The following SLC16A7 variants were observed in gnomAD, a reference collection of about 807,000 sequenced individuals.
SLC16A7 encodes the protein monocarboxylate transporter 2.
Under a neutral mutation model 34.9 loss-of-function variants are expected in SLC16A7, and 33 were observed. That is an observed-to-expected ratio of 0.94 (90% CI 0.72 to 1.26). The LOEUF is 1.26. Ranked by LOEUF, SLC16A7 falls within the 50% of genes most tolerant of loss-of-function variation. The pLI is 0.00. For missense variants in SLC16A7, 573 were observed against 578.1 expected, an observed-to-expected ratio of 0.99 and a Z score of 0.09; for synonymous variants, 201 against 206.6, an observed-to-expected ratio of 0.97 and a Z score of 0.23.
At chr12:59,735,980 C>G in intron 3 of SLC16A7, 1 of 1,059,314 alleles carries the variant, frequency 9.4e-7, no homozygotes, top group South Asian at 1.5e-5. Flanking sequence ...AGATCACCAT[C>G]TACTTGAGGT....
At chr12:59,659,543 C>T (rs557643982) in intron 2 of SLC16A7, among the ~76,000 whole-genome samples, 3 of 152,110 alleles carry the variant, frequency 2.0e-5, no homozygotes, top group South Asian at 2.1e-4. Flanking sequence ...TAGCTACTCA[C>T]TATATGTTGC....
At position 59,771,351 on chromosome 12, in the gene SLC16A7, G is replaced by A; in HGVS notation, c.350G>A (p.Gly117Glu). The A allele has an allele frequency of 6.2e-7, 1 of 1,601,586 alleles. No homozygotes were observed. The highest frequency in any genetic ancestry group is 1.3e-5 in the African/African-American group (1 of 74,144). Residue 117 changes from glycine (G) to glutamate (E), a missense_variant, in exon 4 of 6, where the codon GGA becomes GAA. By Grantham distance (98) the Gly-to-Glu change is moderately conservative. Coordinates refer to ENST00000547379, the MANE Select transcript of SLC16A7 (RefSeq NM_001270623.2). Reference sequence around the variant, plus strand: ...GTGGTACAGCTGTACCTCACTATGGGATTCATTACAGGTAAGCCATTTAGT... The same window carrying A: ...GTGGTACAGCTGTACCTCACTATGGAATTCATTACAGGTAAGCCATTTAGT... ...SSVVQLYLTM[G>E]FITGLGLAFN...
chr12:59,715,635 A>C (rs1874813104), intron 3 of SLC16A7, among the ~76,000 whole-genome samples: 1 of 152,194 alleles, frequency 6.6e-6, no homozygotes, highest in Non-Finnish European at 1.5e-5. Flanking sequence ...CACACAATGC[A>C]TGTCAGGTGA....
intron 2 of SLC16A7, among the ~76,000 whole-genome samples, chr12:59,695,215 C>T (rs1426535532): frequency 6.6e-6 from 1 of 151,902 alleles, no homozygotes; most frequent in East Asian, 1.9e-4. Flanking sequence ...TCTTCTGAGG[C>T]TTTGCCTTGA....
At chr12:59,754,459 T>C (rs1274927216) in intron 3 of SLC16A7, among the ~76,000 whole-genome samples, 1 of 152,018 alleles carries the variant, frequency 6.6e-6, no homozygotes, top group Non-Finnish European at 1.5e-5. Context: ...CAAACTACCA[T>C]CAGAGAATAC....
intron 2 of SLC16A7, among the ~76,000 whole-genome samples, chr12:59,675,255 A>G (rs1476876053): frequency 6.6e-6 from 1 of 152,164 alleles, no homozygotes; most frequent in Non-Finnish European, 1.5e-5. Context: ...ATCTTTGTGT[A>G]CCCCCAAAAT....
intron 4 of SLC16A7, 91 bp from the exon 5 acceptor site, chr12:59,774,565 TC>T: frequency 1.4e-6 from 1 of 728,680 alleles, no homozygotes; most frequent in South Asian, 2.1e-5. Context: ...ATTCTGCCTT[TC>T]CCACTTGAAT....
chr12:59,703,957 A>C (rs192950491), intron 2 of SLC16A7, among the ~76,000 whole-genome samples: 1 of 151,842 alleles, frequency 6.6e-6, no homozygotes. Context: ...ATCCCAACAC[A>C]TTGGGAGGCT....
chr12:59,686,873 T>G (rs1871200952), intron 2 of SLC16A7, among the ~76,000 whole-genome samples: 1 of 151,992 alleles, frequency 6.6e-6, no homozygotes, highest in African/African-American at 2.4e-5. Context: ...TTATTATACA[T>G]CATGGTGACT....
chr12:59,701,640 T>C (rs1425186562), intron 2 of SLC16A7, among the ~76,000 whole-genome samples: 1 of 151,788 alleles, frequency 6.6e-6, no homozygotes, highest in Non-Finnish European at 1.5e-5. Flanking sequence ...TTTATACTAG[T>C]GTTGACACCT....
chr12:59,629,518 T>C (rs1880083660), intron 1 of SLC16A7, among the ~76,000 whole-genome samples: 1 of 151,982 alleles, frequency 6.6e-6, no homozygotes. Context: ...ATTAAAATTA[T>C]CTACTAATAA....
intron 1 of SLC16A7, among the ~76,000 whole-genome samples, chr12:59,612,026 G>A (rs753526193): frequency 3.3e-5 from 5 of 152,168 alleles, no homozygotes; most frequent in African/African-American, 4.8e-5. Flanking sequence ...TACAATTCTA[G>A]GGTCTGGAGG....
At chr12:59,650,537 C>T (rs1373530938) in intron 1 of SLC16A7, among the ~76,000 whole-genome samples, 2 of 152,164 alleles carry the variant, frequency 1.3e-5, no homozygotes, top group South Asian at 2.1e-4. Flanking sequence ...GAGATGTTAC[C>T]ATTATCAAAG....
chr12:59,700,455 G>T (rs993464318), intron 2 of SLC16A7, among the ~76,000 whole-genome samples: 1 of 149,096 alleles, frequency 6.7e-6, no homozygotes, highest in African/African-American at 2.4e-5. Context: ...ATATAATATA[G>T]AAAATTTAAT....
intron 1 of SLC16A7, among the ~76,000 whole-genome samples, chr12:59,652,872 A>G (rs1868367425): frequency 6.6e-6 from 1 of 151,852 alleles, no homozygotes; most frequent in Non-Finnish European, 1.5e-5. Flanking sequence ...TTACACATGC[A>G]TGCTTCAGAA....
chr12:59,772,734 T>C (rs998172566), intron 4 of SLC16A7, among the ~76,000 whole-genome samples: 2 of 152,084 alleles, frequency 1.3e-5, no homozygotes, highest in Non-Finnish European at 2.9e-5. Flanking sequence ...AAAGGAGTTA[T>C]TAGAAAAATG....
In SLC16A7 at chr12:59,783,413, G is replaced by T. The variant is rs565766567; in HGVS notation, c.*3734G>T. The T allele has an allele frequency of 6.6e-6, 1 of 152,242 alleles. No homozygotes were observed. Among genetic ancestry groups the T allele is most frequent in the Non-Finnish European group, 1.5e-5 (1 of 68,012 alleles). The allele number at this position is 152,242 out of a possible 1,614,324, so 9.4% of individuals were successfully genotyped here. A position where few individuals can be genotyped will look rare whatever the true frequency, so the allele number is the denominator to read the frequency against. On this transcript the variant is annotated 3_prime_UTR_variant, in exon 6 of 6. Transcript: ENST00000547379. ...GCAGACTACCCAAAGTTAAAAGGTA[G>T]TATGAACCAAAATTAAAACTCAGGT...
chr12:59,682,960 G>A (rs910452605), intron 2 of SLC16A7, among the ~76,000 whole-genome samples: 1 of 152,098 alleles, frequency 6.6e-6, no homozygotes, highest in Admixed American at 6.5e-5. Context: ...CAGCTACTCA[G>A]GAGGCTGAGG....
chr12:59,645,298 C>A (rs1425803295), intron 1 of SLC16A7, among the ~76,000 whole-genome samples: 4 of 152,160 alleles, frequency 2.6e-5, no homozygotes, highest in Admixed American at 1.3e-4. Context: ...GATCAGATAG[C>A]AAAACCATTT....
Sources: gnomAD v4.1 joint callset for allele counts (sites outside exome capture counted in the v4.1 genomes callset) on GRCh38, gnomAD v4.1.1 for gene constraint, MANE v1.5 for transcripts, NCBI Gene and HGNC (gene_info 2026-07-23, HGNC 2026-07-21) for gene names.